Variants in CAMLG observed in about 807,000 individuals in gnomAD.
CAMLG encodes guided entry of tail-anchored proteins factor CAMLG.
In CAMLG, 23 loss-of-function variants were observed where a neutral mutation model predicts 28.9. The ratio of observed to expected loss-of-function variants is 0.80; its 90% CI spans 0.57 to 1.13. The LOEUF (loss-of-function observed/expected upper bound fraction) is 1.13, where lower values mean the gene tolerates loss of function less well. Among genes scored for constraint, CAMLG ranks in the 50% most tolerant of loss-of-function variants. The pLI is 0.00. For synonymous variants in CAMLG, 141 were observed against 146.5 expected, an observed-to-expected ratio of 0.96 and a Z score of 0.27; for missense variants, 367 against 371.9, an observed-to-expected ratio of 0.99 and a Z score of 0.11.
At position 134,750,815 on chromosome 5, in the gene CAMLG, TC is replaced by T; in HGVS notation, c.758del (p.Pro253LeufsTer4). ...CAGCTGCACTTCTATTGTCGGGAAT[TC>T]CTGCCGAAGTGATAAATCGATCAAT... ...LTAALLLSGIPAEVINRSMDT... is the reference protein window; with the variant it reads ...LTAALLLSGIXAEVINRSMDT... On this transcript the variant is annotated frameshift_variant, in exon 4 of 4. Coordinates refer to ENST00000297156, the MANE Select transcript of CAMLG (RefSeq NM_001745.4). LOFTEE classifies it high-confidence loss of function. 1 of 1,613,984 alleles carries T rather than the reference TC, an allele frequency of 6.2e-7. No individual in the cohort carries two copies. The highest frequency in any genetic ancestry group is 1.1e-5 in the South Asian group (1 of 91,078).
chr5:134,744,628 C>T (rs1753024455), intron 3 of CAMLG, among the ~76,000 whole-genome samples: 1 of 151,440 alleles, frequency 6.6e-6, no homozygotes, highest in African/African-American at 2.4e-5. Flanking sequence ...GGATTGAGGT[C>T]CTTCATGAAA....
At chr5:134,745,192 C>T (rs918204248) in intron 3 of CAMLG, among the ~76,000 whole-genome samples, 2 of 151,570 alleles carry the variant, frequency 1.3e-5, no homozygotes, top group African/African-American at 4.8e-5. Flanking sequence ...AATCCCAGCA[C>T]TTAGGGAGGC....
At chr5:134,750,718 G>T in intron 3 of CAMLG, 41 bp from the exon 4 acceptor site, 1 of 1,438,280 alleles carries the variant, frequency 7.0e-7, no homozygotes, top group Non-Finnish European at 9.7e-7. Flanking sequence ...AATGTAGCCT[G>T]CTGAAACTTT....
At position 134,738,795 on chromosome 5, in the gene CAMLG, A is replaced by G. The variant is rs1210871894; in HGVS notation, c.172+3A>G. ...TCACAGGCCCGGGAGCGGCGCGGGT[A>G]AGAGCCTCGATTTCCCCTCAGTCTC... is the stretch of plus-strand genomic sequence containing the variant. On this transcript the variant is annotated splice_donor_region_variant and intron_variant, in intron 1 of 3. Coordinates refer to ENST00000297156, the MANE Select transcript of CAMLG (RefSeq NM_001745.4). 4.3e-6 allele frequency: 7 copies of G among 1,613,738 alleles called. No individual in the cohort carries two copies. The highest frequency in any genetic ancestry group is 3.3e-5 in the Admixed American group (2 of 59,928).
chr5:134,740,112 T>G (rs976072946), intron 1 of CAMLG, among the ~76,000 whole-genome samples: 9 of 152,272 alleles, frequency 5.9e-5, no homozygotes, highest in South Asian at 2.1e-4. Context: ...CTGGAACTTC[T>G]GGGCTCAAGT....
At chr5:134,749,410 T>C (rs1203951909) in intron 3 of CAMLG, among the ~76,000 whole-genome samples, 1 of 152,142 alleles carries the variant, frequency 6.6e-6, no homozygotes, top group East Asian at 1.9e-4. Flanking sequence ...AACCGTATGA[T>C]TGGATTTTGT....
rs762875582 is a variant in CAMLG, at chr5:134,750,948, T to A, written c.889T>A (p.Ter297ArgextTer3). The A allele has an allele frequency of 1.2e-6, 2 of 1,609,036 alleles. No homozygotes were observed. The highest frequency in any genetic ancestry group is 1.7e-5 in the Admixed American group (1 of 59,252). ...TGATTATTGGGGCTCTGAAGTACCATGAAGCCTGTAGAACTGAGAAGGAGA... is the reference window on the plus strand; with the variant it reads ...TGATTATTGGGGCTCTGAAGTACCAAGAAGCCTGTAGAACTGAGAAGGAGA... Reference protein sequence around the residue: ...LLDYWGSEVP* With the variant: ...LLDYWGSEVPR The change falls in exon 4 of 4, where the codon TGA becomes AGA. Residue 297 changes from the stop codon to arginine (R), a stop_lost. Coordinates refer to ENST00000297156, the MANE Select transcript of CAMLG (RefSeq NM_001745.4).
At position 134,750,756 on chromosome 5, in the gene CAMLG, CAGAGTG is replaced by C; in HGVS notation, c.700-1_704del. 1 of 1,605,882 alleles carries C rather than the reference CAGAGTG, an allele frequency of 6.2e-7. No homozygotes were observed. The highest frequency in any genetic ancestry group is 8.5e-7 in the Non-Finnish European group (1 of 1,173,118). ...AGATTAATTTGAGTCTTTCTCTACA[CAGAGTG>C]AAAAGAAGATAAAGACAACAGTACT... On this transcript the variant is annotated splice_acceptor_variant and coding_sequence_variant, in exon 4 of 4. Coordinates refer to ENST00000297156, the MANE Select transcript of CAMLG (RefSeq NM_001745.4). LOFTEE classifies it high-confidence loss of function.
At chr5:134,749,612 C>T (rs1340690301) in intron 3 of CAMLG, among the ~76,000 whole-genome samples, 1 of 152,214 alleles carries the variant, frequency 6.6e-6, no homozygotes, top group African/African-American at 2.4e-5. Flanking sequence ...ACAAATTACT[C>T]ATTGTTCTCC....
In CAMLG at chr5:134,750,866, A is replaced by C; in HGVS notation, c.807A>C (p.Glu269Asp). ...TGGATACCTATAGCAAAATGGGCGA[A>C]GTCTTCACAGATCTCTGTGTCTACT... ...RSMDTYSKMGEVFTDLCVYFF... is the reference protein window; with the variant it reads ...RSMDTYSKMGDVFTDLCVYFF... Residue 269 changes from glutamate (E) to aspartate (D), a missense_variant, in exon 4 of 4, where the codon GAA becomes GAC. Coordinates refer to ENST00000297156, the MANE Select transcript of CAMLG (RefSeq NM_001745.4). The C allele has an allele frequency of 6.2e-7, 1 of 1,614,066 alleles. No individual in the cohort carries two copies. The highest frequency in any genetic ancestry group is 8.5e-7 in the Non-Finnish European group (1 of 1,179,958).
chr5:134,745,478 C>T (rs1017464757), intron 3 of CAMLG, among the ~76,000 whole-genome samples: 1 of 149,394 alleles, frequency 6.7e-6, no homozygotes, highest in Non-Finnish European at 1.5e-5. Flanking sequence ...TGAGGCTGGG[C>T]GCCGTGGCTC....
At chr5:134,740,830 A>C (rs1004395748) in intron 1 of CAMLG, among the ~76,000 whole-genome samples, 24 of 152,106 alleles carry the variant, frequency 1.6e-4, no homozygotes, top group Admixed American at 1.4e-3. Context: ...GGATGGTCTC[A>C]ATCTCTTGAC....
intron 1 of CAMLG, 94 bp from the exon 2 acceptor site, chr5:134,740,969 G>A (rs1752975070): frequency 2.5e-6 from 2 of 803,004 alleles, no homozygotes; most frequent in Non-Finnish European, 4.0e-6. Context: ...AGGCTGCTGA[G>A]TTCTAGCTGC....
chr5:134,751,123 TG>T lies in CAMLG; in HGVS notation c.*174del, dbSNP rs1311080527. ...GGCAGATTCTCTGATTTAAAAGGGC[TG>T]AGTTTGTATTATTACTGATATGAAG... On this transcript the variant is annotated 3_prime_UTR_variant, in exon 4 of 4. Coordinates refer to ENST00000297156, the MANE Select transcript of CAMLG (RefSeq NM_001745.4). 1.9e-6 allele frequency: 1 copy of T among 537,564 alleles called. No individual in the cohort carries two copies. The highest frequency in any genetic ancestry group is 3.3e-6 in the Non-Finnish European group (1 of 304,196). 33.3% of individuals were successfully genotyped at this position (537,564 alleles called of 1,614,324 possible). A position where few individuals can be genotyped will look rare whatever the true frequency, so the allele number is the denominator to read the frequency against.
At position 134,750,751 on chromosome 5, in the gene CAMLG, C is replaced by G. The variant is rs756989919; in HGVS notation, c.700-8C>G. 6.2e-7 allele frequency: 1 copy of G among 1,602,930 alleles called. No individual in the cohort carries two copies. The highest frequency in any genetic ancestry group is 2.2e-5 in the East Asian group (1 of 44,804). ...TTTGAAGATTAATTTGAGTCTTTCT[C>G]TACACAGAGTGAAAAGAAGATAAAG... On this transcript the variant is annotated splice_region_variant and splice_polypyrimidine_tract_variant and intron_variant, in intron 3 of 3. Coordinates refer to ENST00000297156, the MANE Select transcript of CAMLG (RefSeq NM_001745.4).
chr5:134,750,229 CT>C (rs1476326624), intron 3 of CAMLG, among the ~76,000 whole-genome samples: 5 of 152,018 alleles, frequency 3.3e-5, no homozygotes, highest in Non-Finnish European at 7.4e-5. Context: ...CAAGATAACA[CT>C]TTTTAAAAAC....
chr5:134,738,590 C>G lies in CAMLG; in HGVS notation c.-31C>G, dbSNP rs1752945531. ...GCAGCGGCGGCCAACATCACCGCCA[C>G]TGCCACCCCTCCCAGACTGTGGACG... On this transcript the variant is annotated 5_prime_UTR_variant, in exon 1 of 4. Coordinates refer to ENST00000297156, the MANE Select transcript of CAMLG (RefSeq NM_001745.4). 6.4e-7 allele frequency: 1 copy of G among 1,556,668 alleles called. No individual in the cohort carries two copies. Among genetic ancestry groups the G allele is most frequent in the Non-Finnish European group, 8.7e-7 (1 of 1,153,624 alleles).
chr5:134,741,158 T>G lies in CAMLG; in HGVS notation c.268T>G (p.Ser90Ala). 1.2e-6 allele frequency: 2 copies of G among 1,614,076 alleles called. No homozygotes were observed. The highest frequency in any genetic ancestry group is 1.7e-6 in the Non-Finnish European group (2 of 1,179,922). ...TTCAAAGCGAGTAGTGCTGGGTGATTCAGTCAGTACAGGAACAACTGACCA... is the reference window on the plus strand; with the variant it reads ...TTCAAAGCGAGTAGTGCTGGGTGATGCAGTCAGTACAGGAACAACTGACCA... Reference protein sequence around the residue: ...SVSKRVVLGDSVSTGTTDQQG... With the variant: ...SVSKRVVLGDAVSTGTTDQQG... The change falls in exon 2 of 4, where the codon TCA becomes GCA. Residue 90 changes from serine to alanine, a missense_variant. Transcript: ENST00000297156.
At chr5:134,745,435 CAAA>C (rs561389879) in intron 3 of CAMLG, among the ~76,000 whole-genome samples, 1 of 81,502 alleles carries the variant, frequency 1.2e-5, no homozygotes. Context: ...CGAGACTCCT[CAAA>C]AAAAAAAAAA....
Sources: gnomAD v4.1 joint callset for allele counts (sites outside exome capture counted in the v4.1 genomes callset) on GRCh38, gnomAD v4.1.1 for gene constraint, MANE v1.5 for transcripts, NCBI Gene and HGNC (gene_info 2026-07-23, HGNC 2026-07-21) for gene names.